Variants in FKBP5 observed in about 807,000 individuals in gnomAD.
FKBP5 encodes the protein peptidyl-prolyl cis-trans isomerase FKBP5.
FKBP5 carries 23 observed loss-of-function variants against 50.5 expected under a neutral mutation model. The observed-to-expected ratio is 0.46, with a 90% confidence interval of 0.33 to 0.65. The LOEUF (loss-of-function observed/expected upper bound fraction) is 0.65. Among genes scored for constraint, FKBP5 ranks in the 30% least tolerant of loss-of-function variants. The pLI is 0.02. For synonymous variants in FKBP5, 176 were observed against 190.6 expected (o/e 0.92, Z 0.63); for missense variants, 411 against 553.1 (o/e 0.74, Z 2.58).
At chr6:35,666,394 T>TTAAAAAAAAAAAAA (rs1554136779) in intron 1 of FKBP5, among the ~76,000 whole-genome samples, 4 of 33,254 alleles carry the variant, frequency 1.2e-4, no homozygotes, top group African/African-American at 3.4e-4. Flanking sequence ...CTATTATAGT[T>TTAAAAAAAAAAAAA]AAAAAAAAAA....
Position 35,580,445 on chromosome 6 carries a change from C to A in FKBP5, c.841-224G>T, listed in dbSNP as rs1034265357. The A allele has an allele frequency of 7.2e-6, 3 of 414,926 alleles. No individual in the cohort carries two copies. In the Admixed American group the frequency reaches 1.2e-4, roughly 17 times the overall value. 25.7% of individuals were successfully genotyped at this position (414,926 alleles called of 1,614,324 possible). A position where few individuals can be genotyped will look rare whatever the true frequency, so the allele number is the denominator to read the frequency against. ...CTGAGCACTGCCTAGTGCTGCTCTG[C>A]AGCATTTCCATCCGTCCCTTCAGCA... On this transcript the variant is annotated intron_variant, in intron 8 of 10. Coordinates refer to ENST00000357266, the MANE Select transcript of FKBP5 (RefSeq NM_004117.4).
At chr6:35,610,430 T>A (rs1269862022) in intron 5 of FKBP5, among the ~76,000 whole-genome samples, 1 of 151,450 alleles carries the variant, frequency 6.6e-6, no homozygotes, top group Non-Finnish European at 1.5e-5. Flanking sequence ...CAGCTGGGCG[T>A]GGTGGCAGGT....
In FKBP5 at chr6:35,699,720, A is replaced by G. The variant is rs542596503; in HGVS notation, c.-20+20608T>C. ...CACTCCCCACACACAATGGTGAGGC[A>G]GGGAAGAGAAAATTATAATTGACAC... is the stretch of plus-strand genomic sequence containing the variant. On this transcript the variant is annotated intron_variant, in intron 2 of 11. Coordinates refer to the FKBP5 transcript ENST00000536438. Among the ~76,000 whole-genome samples the G allele has an allele frequency of 4.6e-5, 7 of 152,310 alleles. No homozygotes were observed. In the South Asian group the frequency reaches 1.5e-3, roughly 32 times the overall value.
intron 6 of FKBP5, among the ~76,000 whole-genome samples, chr6:35,593,526 C>T (rs1762884999): frequency 1.3e-5 from 2 of 152,100 alleles, no homozygotes; most frequent in African/African-American, 4.8e-5. Flanking sequence ...TGCCTCATAA[C>T]TAGACATTAT....
At chr6:35,609,404 A>G (rs1763425484) in intron 5 of FKBP5, among the ~76,000 whole-genome samples, 1 of 152,184 alleles carries the variant, frequency 6.6e-6, no homozygotes, top group Non-Finnish European at 1.5e-5. Context: ...CTTTAGTGTA[A>G]TGAATAAGAT....
chr6:35,697,929 T>C (rs1766112607), intron 2 of FKBP5, among the ~76,000 whole-genome samples: 2 of 152,338 alleles, frequency 1.3e-5, no homozygotes, highest in South Asian at 4.1e-4. Flanking sequence ...AAAGAACAAA[T>C]AACCAGCCAT....
At chr6:35,720,420 G>C (rs1012057378) in exon 2 of FKBP5, 3 of 152,638 alleles carry the variant, frequency 2.0e-5, no homozygotes, top group Admixed American at 6.5e-5. Context: ...CCTGCCCCTC[G>C]GGGGCTCCTT....
At chr6:35,721,342 G>C (rs1766606913) in intron 1 of FKBP5, among the ~76,000 whole-genome samples, 1 of 146,790 alleles carries the variant, frequency 6.8e-6, no homozygotes, top group Non-Finnish European at 1.5e-5. Context: ...GCGAGACTCT[G>C]TCTCCAAAAA....
intron 5 of FKBP5, among the ~76,000 whole-genome samples, chr6:35,601,969 AGCT>A (rs1176614657): frequency 3.9e-5 from 6 of 152,230 alleles, no homozygotes; most frequent in Non-Finnish European, 5.9e-5. Flanking sequence ...ACCCAAGCTT[AGCT>A]GCGCAATCGG....
At chr6:35,666,710 G>T (rs1161120651) in intron 1 of FKBP5, among the ~76,000 whole-genome samples, 1 of 151,966 alleles carries the variant, frequency 6.6e-6, no homozygotes. Flanking sequence ...CCAACACAGT[G>T]AAACCCCGTC....
chr6:35,712,721 T>A (rs1766436120), intron 2 of FKBP5, among the ~76,000 whole-genome samples: 1 of 152,002 alleles, frequency 6.6e-6, no homozygotes, highest in Non-Finnish European at 1.5e-5. Flanking sequence ...ACATGCAGGG[T>A]GGTAAGCTGG....
intron 1 of FKBP5, among the ~76,000 whole-genome samples, chr6:35,651,113 G>T (rs1764785898): frequency 6.6e-6 from 1 of 151,912 alleles, no homozygotes. Flanking sequence ...TTTCCAAGAG[G>T]AAAAAAGTAT....
At chr6:35,635,324 G>T (rs1374160894) in intron 3 of FKBP5, among the ~76,000 whole-genome samples, 8 of 151,980 alleles carry the variant, frequency 5.3e-5, no homozygotes, top group African/African-American at 1.9e-4. Context: ...GCAACAGAGC[G>T]AGCCAGACAT....
chr6:35,634,232 G>A lies in FKBP5; in HGVS notation c.250+2782C>T, dbSNP rs369800225. Reference sequence around the variant, plus strand: ...GGATTTAGCAGGTGGCAGGAACAAGGGGGTCTGACAAGGTCAGTCACTCTT... The same window carrying A: ...GGATTTAGCAGGTGGCAGGAACAAGAGGGTCTGACAAGGTCAGTCACTCTT... On this transcript the variant is annotated intron_variant, in intron 3 of 10. Coordinates refer to ENST00000357266, the MANE Select transcript of FKBP5 (RefSeq NM_004117.4). Among the ~76,000 whole-genome samples the A allele has an allele frequency of 2.6e-5, 4 of 152,126 alleles. No individual in the cohort carries two copies. In the East Asian group the frequency reaches 7.7e-4, roughly 29 times the overall value.
chr6:35,703,617 G>T (rs915100530), intron 2 of FKBP5, among the ~76,000 whole-genome samples: 3 of 151,830 alleles, frequency 2.0e-5, no homozygotes, highest in Non-Finnish European at 2.9e-5. Context: ...TTGAAGTATT[G>T]GTCCAATTCT....
At chr6:35,584,241 T>TCTC in intron 8 of FKBP5, 1 of 985,460 alleles carries the variant, frequency 1.0e-6, no homozygotes, top group Non-Finnish European at 1.2e-6. Flanking sequence ...CTATTTTTCT[T>TCTC]CTCTTTAGTA....
chr6:35,646,566 T>G lies in FKBP5; in HGVS notation c.-19-3723A>C, dbSNP rs542145352. On this transcript the variant is annotated intron_variant, in intron 1 of 10. Transcript: ENST00000357266. Reference sequence around the variant, plus strand: ...ACTTTTTCCTTGATTGAATGTTATATAAAAAAGACAGTAAGGACAGACAAT... The same window carrying G: ...ACTTTTTCCTTGATTGAATGTTATAGAAAAAAGACAGTAAGGACAGACAAT... Among the ~76,000 whole-genome samples, 5 of 152,268 alleles carry G rather than the reference T, an allele frequency of 3.3e-5. No individual in the cohort carries two copies. In the South Asian group the frequency reaches 1.0e-3, roughly 32 times the overall value.
intron 7 of FKBP5, among the ~76,000 whole-genome samples, chr6:35,589,096 A>ATATATATATT (rs1561846439): frequency 7.7e-6 from 1 of 129,876 alleles, no homozygotes; most frequent in African/African-American, 3.1e-5. Context: ...ATATTTTTAT[A>ATATATATATT]TATATATATA....
At chr6:35,702,605 A>T (rs1480310950) in intron 2 of FKBP5, among the ~76,000 whole-genome samples, 1 of 151,934 alleles carries the variant, frequency 6.6e-6, no homozygotes, top group African/African-American at 2.4e-5. Flanking sequence ...GGCGCCCGCC[A>T]CCACGCCCGG....
Sources: allele counts gnomAD v4.1 joint callset (sites outside exome capture counted in the v4.1 genomes callset), GRCh38; gene constraint gnomAD v4.1.1; transcripts MANE v1.5; gene names NCBI Gene and HGNC (gene_info 2026-07-23, HGNC 2026-07-21).